The following RNF13 variants were observed in gnomAD, a reference collection of about 807,000 sequenced individuals.
The protein encoded by RNF13 is E3 ubiquitin-protein ligase RNF13.
In RNF13, 19 loss-of-function variants were observed where a neutral mutation model predicts 37.7. That is an observed-to-expected ratio of 0.50 (90% CI 0.35 to 0.74). The LOEUF (loss-of-function observed/expected upper bound fraction) is 0.74. RNF13 is among the 30% of genes least tolerant of loss of function. RNF13 has a pLI of 0.01. For missense variants in RNF13, 375 were observed against 453.0 expected (o/e 0.83, Z 1.56); for synonymous variants, 144 against 157.8 (o/e 0.91, Z 0.65).
At chr3:149,928,004 C>CTTTT (rs766839142) in intron 8 of RNF13, among the ~76,000 whole-genome samples, 13 of 111,196 alleles carry the variant, frequency 1.2e-4, no homozygotes, top group South Asian at 3.0e-4. Context: ...AAGCAAAAAC[C>CTTTT]TTTTTTTTTT....
intron 1 of RNF13, among the ~76,000 whole-genome samples, chr3:149,824,514 C>T (rs900085779): frequency 3.7e-4 from 57 of 152,188 alleles, no homozygotes; most frequent in African/African-American, 1.3e-3. Context: ...ATGTTGGCAG[C>T]CTCTAGAAGC....
intron 3 of RNF13, among the ~76,000 whole-genome samples, chr3:149,869,607 G>GAA (rs762634498): frequency 6.9e-6 from 1 of 145,186 alleles, no homozygotes. Context: ...CTCCGCCTCA[G>GAA]AAAAAAAAAA....
intron 8 of RNF13, among the ~76,000 whole-genome samples, chr3:149,958,984 A>G (rs771543983): frequency 2.6e-5 from 4 of 152,240 alleles, no homozygotes; most frequent in Non-Finnish European, 5.9e-5. Context: ...CAGAAGAACT[A>G]TCAGCACCTT....
intron 4 of RNF13, among the ~76,000 whole-genome samples, chr3:149,892,433 C>T (rs1714807483): frequency 6.6e-6 from 1 of 152,132 alleles, no homozygotes; most frequent in Admixed American, 6.5e-5. Context: ...ACTTTGTCTC[C>T]TCTCCAGAAA....
At chr3:149,904,532 C>CT (rs1011562884) in intron 6 of RNF13, among the ~76,000 whole-genome samples, 1 of 151,996 alleles carries the variant, frequency 6.6e-6, no homozygotes, top group Non-Finnish European at 1.5e-5. Context: ...CAGGCGAATT[C>CT]TTTTTTTAAA....
chr3:149,836,286 A>G (rs1184265286), intron 1 of RNF13, among the ~76,000 whole-genome samples: 1 of 152,178 alleles, frequency 6.6e-6, no homozygotes, highest in Non-Finnish European at 1.5e-5. Context: ...AAATGAACAT[A>G]GGAGCTGAAT....
At position 149,862,447 on chromosome 3, in the gene RNF13, T is replaced by C. The variant is rs548044126; in HGVS notation, c.196-9582T>C. 2.2e-4 allele frequency among the ~76,000 whole-genome samples: 34 copies of C among 152,242 alleles called. No individual in the cohort carries two copies. In the East Asian group the frequency reaches 4.6e-3, roughly 21 times the overall value. On this transcript the variant is annotated intron_variant, in intron 3 of 9. Transcript: ENST00000392894. The stretch of plus-strand genomic sequence containing the variant: ...TAGATGATCATTATCCTGAAACTTA[T>C]GTGTATCTTTCCTATTTATGTTATA...
chr3:149,916,947 AC>A (rs1717579585), intron 7 of RNF13, among the ~76,000 whole-genome samples: 1 of 152,150 alleles, frequency 6.6e-6, no homozygotes, highest in African/African-American at 2.4e-5. Context: ...TTTAGCTGAA[AC>A]CCACAACTTT....
intron 4 of RNF13, among the ~76,000 whole-genome samples, chr3:149,886,985 T>C (rs899751029): frequency 2.6e-5 from 4 of 152,208 alleles, no homozygotes; most frequent in African/African-American, 9.7e-5. Context: ...CTTCTGATGT[T>C]AATCTTTAAT....
chr3:149,850,096 C>T (rs1722996377), intron 2 of RNF13, among the ~76,000 whole-genome samples: 1 of 151,986 alleles, frequency 6.6e-6, no homozygotes, highest in African/African-American at 2.4e-5. Context: ...TCTCCTGCCT[C>T]AGCCTTGCAA....
chr3:149,944,211 C>G (rs1300608847), intron 8 of RNF13, among the ~76,000 whole-genome samples: 1 of 152,204 alleles, frequency 6.6e-6, no homozygotes, highest in Non-Finnish European at 1.5e-5. Flanking sequence ...TTAATCCAGT[C>G]TATCATTGAT....
intron 3 of RNF13, among the ~76,000 whole-genome samples, chr3:149,870,036 A>G (rs1325371503): frequency 6.6e-6 from 1 of 151,780 alleles, no homozygotes; most frequent in African/African-American, 2.4e-5. Flanking sequence ...GTGATTTGGC[A>G]TCTCCTTTGG....
rs766417742 is a variant in RNF13, at chr3:149,960,965, C to T, written c.1007C>T (p.Thr336Ile). The change falls in exon 10 of 10, where the codon ACA becomes ATA. Residue 336 changes from threonine (T) to isoleucine (I), a missense_variant. Thr to Ile is a moderately conservative substitution (Grantham distance 89). Transcript: ENST00000392894. The stretch of plus-strand genomic sequence containing the variant: ...GAATCCCGCTCACATCAGAACATGA[C>T]AGAATCTTCAGACTATGAGGAAGAC... The part of the protein sequence containing the change: ...LSESRSHQNM[T>I]ESSDYEEDDN... 6 of 1,614,186 alleles carry T rather than the reference C, an allele frequency of 3.7e-6. No individual in the cohort carries two copies. Among genetic ancestry groups the T allele is most frequent in the Admixed American group, 1.7e-5 (1 of 60,022 alleles).
chr3:149,934,838 A>G (rs1434098905), intron 8 of RNF13, among the ~76,000 whole-genome samples: 1 of 152,086 alleles, frequency 6.6e-6, no homozygotes, highest in East Asian at 1.9e-4. Flanking sequence ...GGCTGGTCTC[A>G]AACTCCTAGA....
chr3:149,933,155 G>A (rs1247334665), intron 8 of RNF13, among the ~76,000 whole-genome samples: 1 of 152,100 alleles, frequency 6.6e-6, no homozygotes, highest in Non-Finnish European at 1.5e-5. Context: ...GATGCAGGGA[G>A]CAGCCTCTTA....
chr3:149,887,381 A>T (rs1035498242), intron 4 of RNF13, among the ~76,000 whole-genome samples: 15 of 152,188 alleles, frequency 9.9e-5, no homozygotes, highest in African/African-American at 2.4e-4. Flanking sequence ...CCAACAACAG[A>T]TGTTGATCTC....
chr3:149,880,932 AT>A (rs2108460685), intron 4 of RNF13, among the ~76,000 whole-genome samples: 1 of 152,306 alleles, frequency 6.6e-6, no homozygotes, highest in Admixed American at 6.5e-5. Context: ...TAAGAAGTTT[AT>A]TTTTACTTGT....
At chr3:149,911,005 A>G (rs778875658) in intron 6 of RNF13, among the ~76,000 whole-genome samples, 2 of 152,190 alleles carry the variant, frequency 1.3e-5, no homozygotes, top group African/African-American at 2.4e-5. Flanking sequence ...AGCATTTCCT[A>G]TTACCCACCT....
intron 4 of RNF13, among the ~76,000 whole-genome samples, chr3:149,881,406 C>T (rs1166888725): frequency 6.6e-6 from 1 of 152,146 alleles, no homozygotes; most frequent in African/African-American, 2.4e-5. Context: ...TCGCAGCTCA[C>T]TGCAACCTCC....
Sources: allele counts gnomAD v4.1 joint callset (sites outside exome capture counted in the v4.1 genomes callset), GRCh38; gene constraint gnomAD v4.1.1; transcripts MANE v1.5; gene names NCBI Gene and HGNC (gene_info 2026-07-23, HGNC 2026-07-21).